The following DACH2 variants were observed in gnomAD, a reference collection of about 807,000 sequenced individuals.
The protein encoded by DACH2 is dachshund family transcription factor 2.
In DACH2, 17 loss-of-function variants were observed where a neutral mutation model predicts 35.8. The observed-to-expected ratio is 0.48, with a 90% CI of 0.33 to 0.71. The LOEUF (loss-of-function observed/expected upper bound fraction) is 0.71, where lower values mean the gene tolerates loss of function less well. DACH2 is among the 30% of genes least tolerant of loss of function. The pLI, the probability that DACH2 is intolerant of heterozygous loss-of-function variation, is 0.02. For missense variants in DACH2, 469 were observed against 472.7 expected, an observed-to-expected ratio of 0.99 and a Z score of 0.07; for synonymous variants, 195 against 177.3, an observed-to-expected ratio of 1.10 and a Z score of -0.79.
At chrX:86,417,344 G>A (rs1159548335) in intron 2 of DACH2, among the ~76,000 whole-genome samples, 1 of 111,256 alleles carries the variant, frequency 9.0e-6, no homozygotes, top group African/African-American at 3.3e-5. Context: ...AAGTATATTA[G>A]TCAATTTTCA....
intron 4 of DACH2, among the ~76,000 whole-genome samples, chrX:86,656,036 C>G (rs6623753): frequency 0.11 from 10,310 of 97,916 alleles, 539 homozygotes; most frequent in South Asian, 0.4. Flanking sequence ...AGCTCCCCCC[C>G]CCCACTAATC....
chrX:86,554,053 A>G (rs1246769623), intron 3 of DACH2, among the ~76,000 whole-genome samples: 1 of 110,397 alleles, frequency 9.1e-6, no homozygotes, highest in African/African-American at 3.3e-5. Context: ...GTGTGTGTGT[A>G]TGGCATAATA....
At chrX:86,613,866 A>G (rs771081403) in intron 3 of DACH2, among the ~76,000 whole-genome samples, 59 of 111,968 alleles carry the variant, frequency 5.3e-4, no homozygotes, top group Non-Finnish European at 1.0e-3. Context: ...CTTAAGATCT[A>G]ATTTATAAAA....
intron 7 of DACH2, among the ~76,000 whole-genome samples, chrX:86,748,287 C>A (rs765753764): frequency 1.8e-5 from 2 of 111,876 alleles, no homozygotes; most frequent in Non-Finnish European, 3.8e-5. Context: ...ATGGTGAATT[C>A]TTTTCAGAAA....
intron 3 of DACH2, among the ~76,000 whole-genome samples, chrX:86,634,292 A>T (rs765475979): frequency 4.8e-4 from 53 of 111,233 alleles, no homozygotes; most frequent in Admixed American, 6.7e-4. Flanking sequence ...ATCAACATAG[A>T]ACATACATCA....
At chrX:86,460,297 A>G (rs1196111185) in intron 2 of DACH2, among the ~76,000 whole-genome samples, 1 of 111,147 alleles carries the variant, frequency 9.0e-6, no homozygotes, top group African/African-American at 3.2e-5. Flanking sequence ...TAAGAATACT[A>G]CATTTCAAAA....
In DACH2 at chrX:86,541,045, G is replaced by T. The variant is rs115133536; in HGVS notation, c.640+26654G>T. Among the ~76,000 whole-genome samples, 505 of 111,735 alleles carry T rather than the reference G, an allele frequency of 4.5e-3. 2 individuals are homozygous for T. The highest frequency in any genetic ancestry group is 0.016 in the African/African-American group (483 of 30,839). ...TGAAAAACCTACCTGTTACAAAAATGTGGGTTCTAATATAATGATTATGGT... is the reference window on the plus strand; with the variant it reads ...TGAAAAACCTACCTGTTACAAAAATTTGGGTTCTAATATAATGATTATGGT... On this transcript the variant is annotated intron_variant, in intron 3 of 11. Transcript: ENST00000373125.
chrX:86,330,295 A>G (rs776231694), intron 1 of DACH2, among the ~76,000 whole-genome samples: 4 of 112,321 alleles, frequency 3.6e-5, no homozygotes, highest in Non-Finnish European at 7.5e-5. Context: ...TGATTAACTT[A>G]GAATCATAAG....
chrX:86,569,145 C>T (rs2038073), intron 3 of DACH2, among the ~76,000 whole-genome samples: 35,795 of 110,196 alleles, frequency 0.32, 4,667 homozygotes, highest in Middle Eastern at 0.46. Flanking sequence ...CAGTCAAACT[C>T]TTGTCTTCCT....
chrX:86,198,198 G>T (rs2032045554), intron 1 of DACH2, among the ~76,000 whole-genome samples: 2 of 111,939 alleles, frequency 1.8e-5, no homozygotes, highest in Non-Finnish European at 3.8e-5. Flanking sequence ...CAGAAACCAA[G>T]ATGTTCTTTG....
chrX:86,617,789 C>T (rs1010578077), intron 3 of DACH2, among the ~76,000 whole-genome samples: 31 of 111,828 alleles, frequency 2.8e-4, no homozygotes, highest in African/African-American at 7.4e-4. Flanking sequence ...CAATGTAACC[C>T]GAAGTAGTCT....
intron 1 of DACH2, among the ~76,000 whole-genome samples, chrX:86,163,151 A>AT (rs904798300): frequency 4.5e-5 from 5 of 110,018 alleles, no homozygotes; most frequent in African/African-American, 1.3e-4. Context: ...CATTCCCTCT[A>AT]TTTTTTTTGT....
intron 1 of DACH2, among the ~76,000 whole-genome samples, chrX:86,268,489 CATTTA>C (rs2033751319): frequency 1.1e-5 from 1 of 87,135 alleles, no homozygotes; most frequent in South Asian, 6.0e-4. Context: ...TCATTTAAAA[CATTTA>C]TTTTATTTTA....
At chrX:86,458,864 C>A (rs997370763) in intron 2 of DACH2, among the ~76,000 whole-genome samples, 20 of 110,265 alleles carry the variant, frequency 1.8e-4, no homozygotes, top group Non-Finnish European at 2.6e-4. Flanking sequence ...ATACTGTGGC[C>A]TGTCAGGGGG....
chrX:86,272,472 CAAT>C (rs778799209), intron 1 of DACH2, among the ~76,000 whole-genome samples: 6 of 111,155 alleles, frequency 5.4e-5, no homozygotes, highest in Non-Finnish European at 1.1e-4. Flanking sequence ...GCAGCAACAA[CAAT>C]GAGAAAAATA....
At chrX:86,787,014 A>G (rs991764244) in intron 7 of DACH2, among the ~76,000 whole-genome samples, 2 of 111,307 alleles carry the variant, frequency 1.8e-5, no homozygotes, top group African/African-American at 6.5e-5. Context: ...TCCATGTAAG[A>G]TGTGGCTTGC....
intron 1 of DACH2, among the ~76,000 whole-genome samples, chrX:86,297,543 T>C (rs1412651797): frequency 2.7e-5 from 3 of 111,557 alleles, no homozygotes; most frequent in African/African-American, 6.5e-5. Context: ...GACAAAAAGA[T>C]AATTTATTGG....
In DACH2 at chrX:86,616,765, T is replaced by C. The variant is rs373613077; in HGVS notation, c.641-34271T>C. Among the ~76,000 whole-genome samples, 28 of 112,558 alleles carry C rather than the reference T, an allele frequency of 2.5e-4. No homozygotes were observed. The East Asian group carries it at 2.5e-3, about 10-fold the overall frequency. On this transcript the variant is annotated intron_variant, in intron 3 of 11. Coordinates refer to ENST00000373125, the MANE Select transcript of DACH2 (RefSeq NM_053281.3). Reference sequence around the variant, plus strand: ...TTCACTGTGTAGAAAATATTAAGTTTAATTACATTTCATTTGTCAAGTTTT... The same window carrying C: ...TTCACTGTGTAGAAAATATTAAGTTCAATTACATTTCATTTGTCAAGTTTT...
intron 4 of DACH2, among the ~76,000 whole-genome samples, chrX:86,668,220 G>A (rs1569463863): frequency 8.9e-6 from 1 of 112,127 alleles, no homozygotes; most frequent in Non-Finnish European, 1.9e-5. Flanking sequence ...TGAGGAACAT[G>A]TCTTTGTAGA....
Sources: gnomAD v4.1 joint callset for allele counts (sites outside exome capture counted in the v4.1 genomes callset) on GRCh38, gnomAD v4.1.1 for gene constraint, MANE v1.5 for transcripts, NCBI Gene and HGNC (gene_info 2026-07-23, HGNC 2026-07-21) for gene names.